PDE3B: variants seen among roughly 807,000 people sequenced by gnomAD.
PDE3B encodes cGMP-inhibited 3',5'-cyclic phosphodiesterase 3B.
A neutral mutation model predicts 116.8 loss-of-function variants in PDE3B; 66 were observed. The observed-to-expected ratio is 0.56, with a 90% CI of 0.46 to 0.69. The LOEUF (loss-of-function observed/expected upper bound fraction) is 0.69. Among genes scored for constraint, PDE3B ranks in the 30% least tolerant of loss-of-function variants. The pLI is 0.00. For missense variants in PDE3B, 1,384 were observed against 1,368.1 expected (o/e 1.01, Z -0.18); for synonymous variants, 595 against 533.6 (o/e 1.12, Z -1.59).
Position 14,675,755 on chromosome 11 carries a change from TTTA to T in PDE3B, c.978+30708_978+30710del, listed in dbSNP as rs752179497. Among the ~76,000 whole-genome samples, 6 of 152,156 alleles carry T rather than the reference TTTA, an allele frequency of 3.9e-5. 1 individual carries two copies. Among genetic ancestry groups the T allele is most frequent in the Non-Finnish European group, 8.8e-5 (6 of 67,988 alleles). On this transcript the variant is annotated intron_variant, in intron 1 of 15. Transcript: ENST00000282096. ...TATTTTATGAATACATCACAATTTA[TTTA>T]TTATTCTGTCACAATTTGTTTATAC... is the stretch of plus-strand genomic sequence containing the variant.
chr11:14,807,607 A>G (rs960139388), intron 5 of PDE3B, among the ~76,000 whole-genome samples: 2 of 152,218 alleles, frequency 1.3e-5, no homozygotes, highest in Non-Finnish European at 2.9e-5. Flanking sequence ...CACACAAAAA[A>G]TAAATAGCAG....
the PDE3B span, chr11:14,890,760 C>T: frequency 1.7e-6 from 1 of 598,830 alleles, no homozygotes; most frequent in Non-Finnish European, 2.1e-6. Context: ...GTGTTAGCCA[C>T]GACGGTCTCG....
intron 12 of PDE3B, among the ~76,000 whole-genome samples, chr11:14,849,485 A>G (rs1255994767): frequency 6.6e-6 from 1 of 152,228 alleles, no homozygotes; most frequent in Non-Finnish European, 1.5e-5. Context: ...AAATTGACAA[A>G]TGGGATCTAA....
intron 1 of PDE3B, among the ~76,000 whole-genome samples, chr11:14,650,538 A>T (rs147420483): frequency 2.0e-4 from 30 of 152,292 alleles, no homozygotes; most frequent in Non-Finnish European, 3.8e-4. Context: ...GGATTTTGAG[A>T]TGAAGATATT....
chr11:14,793,771 C>T (rs778528565), intron 4 of PDE3B, among the ~76,000 whole-genome samples: 3 of 152,224 alleles, frequency 2.0e-5, no homozygotes, highest in East Asian at 1.9e-4. Flanking sequence ...TTATCTTCAC[C>T]GCTACTGTGT....
At chr11:14,739,203 C>T (rs1244907402) in intron 1 of PDE3B, among the ~76,000 whole-genome samples, 1 of 152,090 alleles carries the variant, frequency 6.6e-6, no homozygotes, top group African/African-American at 2.4e-5. Context: ...CAGTATGGCC[C>T]TTTTCACAAT....
chr11:14,816,259 T>G (rs955496367), intron 5 of PDE3B, among the ~76,000 whole-genome samples: 1 of 152,206 alleles, frequency 6.6e-6, no homozygotes, highest in Non-Finnish European at 1.5e-5. Flanking sequence ...GAAAAATATC[T>G]TCACAACAAC....
At chr11:14,891,341 C>A in the PDE3B span, 1 of 985,314 alleles carries the variant, frequency 1.0e-6, no homozygotes, top group African/African-American at 1.7e-5. Flanking sequence ...GGTGCCGTTC[C>A]CAGCCAGTCA....
At chr11:14,688,098 T>C (rs550652133) in intron 1 of PDE3B, among the ~76,000 whole-genome samples, 1 of 134,878 alleles carries the variant, frequency 7.4e-6, no homozygotes, top group South Asian at 2.3e-4. Context: ...TTTCTTTCTT[T>C]CTCTCTCTCT....
rs1158052170 is a variant in PDE3B at position 14,665,108 on chromosome 11, T to C, written c.978+20055T>C. ...TTCATCCCTGGGATGCAAGGCTGGT[T>C]CAATATCCGCAAATCAATAAATGTA... On this transcript the variant is annotated intron_variant, in intron 1 of 15. Transcript: ENST00000282096. Among the ~76,000 whole-genome samples the C allele has an allele frequency of 6.6e-5, 10 of 152,306 alleles. No homozygotes were observed. In the East Asian group the frequency reaches 1.9e-3, roughly 29 times the overall value.
At chr11:14,883,293 G>C in the PDE3B span, among the ~76,000 whole-genome samples, 1 of 152,044 alleles carries the variant, frequency 6.6e-6, no homozygotes, top group South Asian at 2.1e-4. Flanking sequence ...ATACTACAAG[G>C]CTACACTAAC....
chr11:14,796,747 G>T (rs577441318), intron 4 of PDE3B, among the ~76,000 whole-genome samples: 1 of 152,110 alleles, frequency 6.6e-6, no homozygotes, highest in Non-Finnish European at 1.5e-5. Flanking sequence ...TAAGTTCTTT[G>T]TAGATTCTGG....
intron 1 of PDE3B, among the ~76,000 whole-genome samples, chr11:14,724,316 G>T (rs1201909117): frequency 6.6e-6 from 1 of 152,134 alleles, no homozygotes; most frequent in Non-Finnish European, 1.5e-5. Context: ...TTAATAGGAA[G>T]GGGGACACAT....
intron 2 of PDE3B, chr11:14,775,853 T>C (rs1487773824): frequency 6.6e-6 from 1 of 152,282 alleles, no homozygotes; most frequent in Admixed American, 6.5e-5. Flanking sequence ...TCTGTATTTT[T>C]ATCTCTTCAC....
intron 4 of PDE3B, 54 bp from the exon 5 acceptor site, chr11:14,803,890 A>T: frequency 1.0e-6 from 1 of 990,850 alleles, no homozygotes; most frequent in Non-Finnish European, 1.6e-6. Context: ...TGAGGAAAAA[A>T]GGTGAAACTT....
At chr11:14,732,228 A>T (rs1033322954) in intron 1 of PDE3B, among the ~76,000 whole-genome samples, 1 of 152,128 alleles carries the variant, frequency 6.6e-6, no homozygotes, top group Non-Finnish European at 1.5e-5. Flanking sequence ...AAGCAAAGGG[A>T]AGAGTAAAAG....
chr11:14,835,982 C>T (rs1269962338), intron 11 of PDE3B, among the ~76,000 whole-genome samples: 2 of 152,156 alleles, frequency 1.3e-5, no homozygotes, highest in African/African-American at 4.8e-5. Flanking sequence ...AATAACATTA[C>T]CATACTAACC....
chr11:14,644,975 A>G lies in PDE3B; in HGVS notation c.900A>G (p.Leu300=), dbSNP rs1420072750. Residue 300 remains leucine (L), a synonymous_variant, in exon 1 of 16, where the codon TTA becomes TTG. Transcript: ENST00000282096. The stretch of plus-strand genomic sequence containing the variant: ...GGAGGAGGTCCAGCTGCGTGTCGTT[A>G]GGAGAAACTGCAGCCAGTTACTATG... ...RPRRRSSCVS[L]GETAASYYGS... is the part of the protein sequence containing the mutation. The G allele has an allele frequency of 6.2e-7, 1 of 1,613,866 alleles. No homozygotes were observed.
chr11:14,810,988 G>A (rs1413823429), intron 5 of PDE3B, among the ~76,000 whole-genome samples: 2 of 151,584 alleles, frequency 1.3e-5, no homozygotes, highest in Admixed American at 6.6e-5. Flanking sequence ...GTCTGTTCAT[G>A]TCCTTTGCCC....
Sources: gnomAD v4.1 joint callset for allele counts (sites outside exome capture counted in the v4.1 genomes callset) on GRCh38, gnomAD v4.1.1 for gene constraint, MANE v1.5 for transcripts, NCBI Gene and HGNC (gene_info 2026-07-23, HGNC 2026-07-21) for gene names.